The following DNAJA3 variants were observed in gnomAD, a reference collection of about 807,000 sequenced individuals.
DNAJA3 encodes the protein DnaJ heat shock protein family (Hsp40) member A3.
In DNAJA3, 29 loss-of-function variants were observed where a neutral mutation model predicts 54.9. The ratio of observed to expected loss-of-function variants is 0.53; its 90% CI spans 0.39 to 0.72. The LOEUF (loss-of-function observed/expected upper bound fraction) is 0.72. Ranked by LOEUF, DNAJA3 falls within the 30% of genes least tolerant of loss-of-function variation. The pLI, the probability that DNAJA3 is intolerant of heterozygous loss-of-function variation, is 0.00. For missense variants in DNAJA3, 708 were observed against 639.4 expected (o/e 1.11, Z -1.16); for synonymous variants, 302 against 251.4 (o/e 1.20, Z -1.90).
rs1567324930 is a variant in DNAJA3, at chr16:4,434,522, G to A, written c.345+5G>A. On this transcript the variant is annotated splice_donor_5th_base_variant and intron_variant, in intron 2 of 11. Coordinates refer to ENST00000262375, the MANE Select transcript of DNAJA3 (RefSeq NM_005147.6). ...ATCAAGAAAGCCTATTATCAGGTCT[G>A]TATGGAAGTCAGGTTTTGGTGACCA... The A allele has an allele frequency of 6.2e-7, 1 of 1,603,316 alleles. No individual in the cohort carries two copies. Among genetic ancestry groups the A allele is most frequent in the Non-Finnish European group, 8.5e-7 (1 of 1,177,568 alleles).
chr16:4,431,987 C>G (rs1381755607), intron 1 of DNAJA3: 1 of 152,000 alleles, frequency 6.6e-6, no homozygotes, highest in African/African-American at 2.4e-5. Flanking sequence ...GCTCTAAGGC[C>G]CTTCCTATTC....
At chr16:4,446,385 AG>A (rs1177310039) in intron 7 of DNAJA3, among the ~76,000 whole-genome samples, 16 of 151,472 alleles carry the variant, frequency 1.1e-4, no homozygotes, top group African/African-American at 3.9e-4. Context: ...CTGGGATTAC[AG>A]GGGCCCGCCA....
chr16:4,442,992 T>C, intron 5 of DNAJA3, 25 bp from the exon 6 acceptor site: 1 of 1,610,040 alleles, frequency 6.2e-7, no homozygotes, highest in Non-Finnish European at 8.5e-7. Context: ...CGTACTTAGG[T>C]TACCATTTTT....
chr16:4,447,084 T>C, intron 8 of DNAJA3, 70 bp downstream of exon 8: 1 of 1,553,242 alleles, frequency 6.4e-7, no homozygotes, highest in Non-Finnish European at 8.7e-7. Flanking sequence ...GGAAAAGAAC[T>C]GACCAGTGGC....
Position 4,434,487 on chromosome 16 carries a change from C to A in DNAJA3, c.315C>A (p.Ser105Arg), listed in dbSNP as rs1380312552. ...TATTAGGAGTGCCTCGAAATGCCAG[C>A]CAGAAAGAGATCAAGAAAGCCTATT... ...YQILGVPRNA[S>R]QKEIKKAYYQ... The change falls in exon 2 of 12, where the codon AGC (serine) becomes AGA (arginine). Residue 105 changes from serine to arginine, a missense_variant. By Grantham distance (110) the Ser-to-Arg change is moderately radical. Transcript: ENST00000262375. 1.2e-6 allele frequency: 2 copies of A among 1,613,304 alleles called. No homozygotes were observed. Among genetic ancestry groups the A allele is most frequent in the Admixed American group, 3.3e-5 (2 of 59,704 alleles).
At chr16:4,433,121 G>C (rs1218645681) in intron 1 of DNAJA3, 2 of 152,222 alleles carry the variant, frequency 1.3e-5, no homozygotes, top group African/African-American at 4.8e-5. Flanking sequence ...CAGCCTGGGC[G>C]ACAGAGCGAG....
At position 4,441,575 on chromosome 16, in the gene DNAJA3, A is replaced by G. The variant is rs1200189303; in HGVS notation, c.630A>G (p.Glu210=). Residue 210 remains glutamate, a splice_region_variant and synonymous_variant, in exon 4 of 12, where the codon GAA becomes GAG. Coordinates refer to ENST00000262375, the MANE Select transcript of DNAJA3 (RefSeq NM_005147.6). ...AGACCGTGTTTGATCAGCCTCAGGAAGTAAGTTCCTCACTTGGAAGAATTA... is the reference window on the plus strand; with the variant it reads ...AGACCGTGTTTGATCAGCCTCAGGAGGTAAGTTCCTCACTTGGAAGAATTA... ...DFQTVFDQPQ[E]YFMELTFNQA... 1 of 1,612,746 alleles carries G rather than the reference A, an allele frequency of 6.2e-7. No homozygotes were observed. Among genetic ancestry groups the G allele is most frequent in the Non-Finnish European group, 8.5e-7 (1 of 1,179,624 alleles).
At chr16:4,453,954 A>G (rs1567336408) in intron 10 of DNAJA3, among the ~76,000 whole-genome samples, 1 of 152,206 alleles carries the variant, frequency 6.6e-6, no homozygotes, top group Non-Finnish European at 1.5e-5. Flanking sequence ...ATTCTAACTC[A>G]CAACAAAAGT....
rs1366612468 is a variant in DNAJA3, at chr16:4,450,282, G to T, written c.1242-118G>T. On this transcript the variant is annotated intron_variant, in intron 9 of 11. Coordinates refer to ENST00000262375, the MANE Select transcript of DNAJA3 (RefSeq NM_005147.6). ...ACCGCTGCACTGGCTCAGGGTGTCC[G>T]CCCCTGCCAAGGTTGGGTCCCTCTC... The T allele has an allele frequency of 1.2e-5, 9 of 730,320 alleles. No individual in the cohort carries two copies. In the East Asian group the frequency reaches 1.9e-4, roughly 16 times the overall value. The allele number at this position is 730,320 out of a possible 1,614,324, so 45.2% of individuals were successfully genotyped here.
intron 7 of DNAJA3, among the ~76,000 whole-genome samples, chr16:4,446,159 G>A (rs1213758098): frequency 1.3e-5 from 2 of 151,174 alleles, no homozygotes; most frequent in Admixed American, 1.3e-4. Context: ...GACCTCAGGT[G>A]ATCCACCCAC....
Position 4,449,214 on chromosome 16 carries a change from C to T in DNAJA3, c.1241+366C>T, listed in dbSNP as rs529945342. ...GGTTTCACCGTGTTAGCCAGAGTGG[C>T]CTCAATCTCCTGACCTAGTGATCCA... On this transcript the variant is annotated intron_variant, in intron 9 of 11. Coordinates refer to ENST00000262375, the MANE Select transcript of DNAJA3 (RefSeq NM_005147.6). Among the ~76,000 whole-genome samples the T allele has an allele frequency of 3.2e-3, 480 of 151,596 alleles. 2 individuals are homozygous for T. Among genetic ancestry groups the T allele is most frequent in the African/African-American group, 0.011 (443 of 41,322 alleles).
chr16:4,441,435 C>G lies in DNAJA3; in HGVS notation c.490C>G (p.Pro164Ala), dbSNP rs2056834878. 6.2e-7 allele frequency: 1 copy of G among 1,614,002 alleles called. No homozygotes were observed. Among genetic ancestry groups the G allele is most frequent in the Non-Finnish European group, 8.5e-7 (1 of 1,180,032 alleles). Residue 164 changes from proline (P) to alanine (A), a missense_variant, in exon 4 of 12, where the codon CCT (proline) becomes GCT (alanine). By Grantham distance (27) the Pro-to-Ala change is conservative. Transcript: ENST00000262375. ...YDAYGSAGFDPGASGSQHSYW... is the reference protein window; with the variant it reads ...YDAYGSAGFDAGASGSQHSYW... ...TGCCTACGGCTCTGCAGGCTTCGAT[C>G]CTGGGGCCAGCGGCTCCCAGCATAG...
rs911707402 is a variant in DNAJA3 at position 4,442,625 on chromosome 16, A to C, written c.783+205A>C. On this transcript the variant is annotated intron_variant, in intron 5 of 11. Coordinates refer to ENST00000262375, the MANE Select transcript of DNAJA3 (RefSeq NM_005147.6). Reference sequence around the variant, plus strand: ...ACAGGCTCAGCAACCAGAGCACAGCAGCTCCGGGGGCGGGGCGGGGGATTG... The same window carrying C: ...ACAGGCTCAGCAACCAGAGCACAGCCGCTCCGGGGGCGGGGCGGGGGATTG... 1.2e-5 allele frequency: 7 copies of C among 580,770 alleles called. No individual in the cohort carries two copies. The African/African-American group carries it at 1.3e-4, about 11-fold the overall frequency. The allele number at this position is 580,770 out of a possible 1,614,324, so 36.0% of individuals were successfully genotyped here. A position where few individuals can be genotyped will look rare whatever the true frequency, so the allele number is the denominator to read the frequency against.
intron 3 of DNAJA3, chr16:4,441,040 C>T: frequency 5.2e-6 from 2 of 385,384 alleles, no homozygotes; most frequent in Non-Finnish European, 9.4e-6. Flanking sequence ...GAGGTAATGT[C>T]CCCTGAGGAG....
intron 8 of DNAJA3, chr16:4,447,932 A>C (rs1175856367): frequency 6.6e-6 from 1 of 150,698 alleles, no homozygotes; most frequent in Non-Finnish European, 1.5e-5. Context: ...GCTGGTCTTC[A>C]ACTCCTGATC....
chr16:4,451,318 G>A (rs561924046), intron 10 of DNAJA3, among the ~76,000 whole-genome samples: 19 of 152,222 alleles, frequency 1.2e-4, no homozygotes, highest in African/African-American at 4.6e-4. Flanking sequence ...ATGGTAATTC[G>A]TAGCAGGTGT....
At chr16:4,445,200 C>CT (rs915049023) in intron 7 of DNAJA3, among the ~76,000 whole-genome samples, 11 of 152,194 alleles carry the variant, frequency 7.2e-5, no homozygotes, top group African/African-American at 2.7e-4. Flanking sequence ...CACAAGAGTC[C>CT]TGTCCATGGT....
intron 6 of DNAJA3, among the ~76,000 whole-genome samples, chr16:4,444,379 C>G (rs2141385833): frequency 1.4e-5 from 2 of 143,752 alleles, no homozygotes; most frequent in Middle Eastern, 3.8e-3. Flanking sequence ...GAGTCTCGCT[C>G]TGTTGCCAGG....
chr16:4,450,133 C>G, intron 9 of DNAJA3: 1 of 401,086 alleles, frequency 2.5e-6, no homozygotes, highest in Non-Finnish European at 4.5e-6. Flanking sequence ...CTGGTAAAAT[C>G]TGTTTCCCCT....
Sources: allele counts gnomAD v4.1 joint callset (sites outside exome capture counted in the v4.1 genomes callset), GRCh38; gene constraint gnomAD v4.1.1; transcripts MANE v1.5; gene names NCBI Gene and HGNC (gene_info 2026-07-23, HGNC 2026-07-21).